The following SLC44A5 variants were observed in gnomAD, a reference collection of about 807,000 sequenced individuals.
SLC44A5 encodes solute carrier family 44 member 5.
In SLC44A5, 57 loss-of-function variants were observed where a neutral mutation model predicts 101.8. The observed-to-expected ratio is 0.56, with a 90% CI of 0.45 to 0.70. SLC44A5 has a LOEUF of 0.70. Ranked by LOEUF, SLC44A5 falls within the 30% of genes least tolerant of loss-of-function variation. The probability of loss-of-function intolerance (pLI) is 0.00; values close to 1 mark genes in which losing one functional copy is unlikely to be tolerated. For missense variants in SLC44A5, 737 were observed against 853.1 expected (o/e 0.86, Z 1.70); for synonymous variants, 281 against 290.9 (o/e 0.97, Z 0.35).
rs553863123 is a variant in SLC44A5, at chr1:75,566,396, G to A, written c.-69-24880C>T. ...GTGAAATAAAAGGCCAGTTCCAGCTGCAGTTAAAGCAGAATATGTGTTATT... is the reference window on the plus strand; with the variant it reads ...GTGAAATAAAAGGCCAGTTCCAGCTACAGTTAAAGCAGAATATGTGTTATT... On this transcript the variant is annotated intron_variant, in intron 1 of 23. Coordinates refer to ENST00000370859, the MANE Select transcript of SLC44A5 (RefSeq NM_001130058.2). Among the ~76,000 whole-genome samples, 4 of 152,306 alleles carry A rather than the reference G, an allele frequency of 2.6e-5. No individual in the cohort carries two copies. The South Asian group carries it at 8.3e-4, about 32-fold the overall frequency.
chr1:75,252,064 G>T (rs1372148169), intron 6 of SLC44A5, among the ~76,000 whole-genome samples: 3 of 152,086 alleles, frequency 2.0e-5, no homozygotes, highest in African/African-American at 7.2e-5. Flanking sequence ...GCATGCACAA[G>T]GAAAACCCGA....
At chr1:75,337,525 G>A (rs541985347) in intron 4 of SLC44A5, among the ~76,000 whole-genome samples, 105 of 152,298 alleles carry the variant, frequency 6.9e-4, no homozygotes, top group African/African-American at 2.5e-3. Context: ...GGATAATGCT[G>A]AATATCTTTT....
intron 6 of SLC44A5, among the ~76,000 whole-genome samples, chr1:75,264,601 A>C (rs1247601186): frequency 6.6e-6 from 1 of 152,202 alleles, no homozygotes; most frequent in Non-Finnish European, 1.5e-5. Flanking sequence ...AACAAAGGAA[A>C]ACCAAAACAC....
At chr1:75,211,358 G>A in intron 23 of SLC44A5, 110 bp downstream of exon 23, 1 of 711,206 alleles carries the variant, frequency 1.4e-6, no homozygotes, top group East Asian at 2.8e-5. Flanking sequence ...ACGTTTTGTG[G>A]TTGCAGCCAG....
At chr1:75,230,881 G>C (rs561486539) in intron 12 of SLC44A5, among the ~76,000 whole-genome samples, 105 of 152,292 alleles carry the variant, frequency 6.9e-4, no homozygotes, top group African/African-American at 2.5e-3. Flanking sequence ...CTCCCACAGT[G>C]CTAGGATTAT....
intron 5 of SLC44A5, among the ~76,000 whole-genome samples, chr1:75,284,034 G>A (rs1320899249): frequency 2.0e-5 from 3 of 151,958 alleles, no homozygotes; most frequent in Non-Finnish European, 4.4e-5. Context: ...TTCGACTTCT[G>A]TGAAGAATAA....
intron 7 of SLC44A5, among the ~76,000 whole-genome samples, chr1:75,243,630 C>G (rs548224569): frequency 2.0e-5 from 3 of 152,136 alleles, no homozygotes; most frequent in Admixed American, 2.0e-4. Flanking sequence ...ATTTCACATA[C>G]CTTTCACTCT....
intron 4 of SLC44A5, among the ~76,000 whole-genome samples, chr1:75,315,536 T>A (rs1232029870): frequency 6.6e-6 from 1 of 152,148 alleles, no homozygotes; most frequent in East Asian, 1.9e-4. Context: ...GCACTGTCTT[T>A]CATCTCTTCT....
the SLC44A5 span, among the ~76,000 whole-genome samples, chr1:75,621,218 C>T: frequency 6.6e-6 from 1 of 152,144 alleles, no homozygotes; most frequent in Non-Finnish European, 1.5e-5. Context: ...AAACTGGCCT[C>T]ATCTCTATTT....
At chr1:75,212,418 C>A (rs1332597590) in intron 22 of SLC44A5, among the ~76,000 whole-genome samples, 1 of 152,116 alleles carries the variant, frequency 6.6e-6, no homozygotes, top group African/African-American at 2.4e-5. Flanking sequence ...TATTTACCTA[C>A]AACTTATAAG....
chr1:75,234,936 A>G (rs1410298600), intron 11 of SLC44A5, among the ~76,000 whole-genome samples: 1 of 152,120 alleles, frequency 6.6e-6, no homozygotes, highest in African/African-American at 2.4e-5. Flanking sequence ...TGACTGTTCT[A>G]TTAAGAACTG....
At chr1:75,368,380 C>T (rs1222539755) in intron 3 of SLC44A5, among the ~76,000 whole-genome samples, 1 of 152,100 alleles carries the variant, frequency 6.6e-6, no homozygotes, top group Admixed American at 6.6e-5. Context: ...AAAAGTCTGC[C>T]CTCTATATCT....
chr1:75,616,107 C>G (rs1432970584), upstream of SLC44A5, among the ~76,000 whole-genome samples: 5 of 151,956 alleles, frequency 3.3e-5, no homozygotes, highest in Admixed American at 6.6e-5. Flanking sequence ...GCTGGCCCCC[C>G]TCTTGCGCTG....
the SLC44A5 span, among the ~76,000 whole-genome samples, chr1:75,646,271 A>G: frequency 4.2e-5 from 6 of 144,148 alleles, no homozygotes; most frequent in African/African-American, 1.5e-4. Context: ...TGAGCATGGA[A>G]TGTTCTTCCA....
chr1:75,706,957 C>T, the SLC44A5 span, among the ~76,000 whole-genome samples: 2 of 152,098 alleles, frequency 1.3e-5, no homozygotes, highest in East Asian at 1.9e-4. Flanking sequence ...CTCTAAAATA[C>T]CTTCTAAGAC....
At chr1:75,714,738 G>A in the SLC44A5 span, among the ~76,000 whole-genome samples, 326 of 152,174 alleles carry the variant, frequency 2.1e-3, 2 homozygotes, top group African/African-American at 7.3e-3. Context: ...GTGCAGTGGC[G>A]CGATCTCAGC....
intron 1 of SLC44A5, among the ~76,000 whole-genome samples, chr1:75,560,830 C>A (rs1456311336): frequency 6.6e-6 from 1 of 152,114 alleles, no homozygotes; most frequent in Non-Finnish European, 1.5e-5. Flanking sequence ...AATCAGTTGA[C>A]ATTTTACTCA....
At chr1:75,517,425 C>T (rs796929661) in intron 2 of SLC44A5, among the ~76,000 whole-genome samples, 8 of 151,400 alleles carry the variant, frequency 5.3e-5, no homozygotes, top group African/African-American at 1.9e-4. Flanking sequence ...CAAAAAAAGT[C>T]AGTGACAAAA....
intron 2 of SLC44A5, among the ~76,000 whole-genome samples, chr1:75,540,342 A>T (rs1671291422): frequency 6.6e-6 from 1 of 152,210 alleles, no homozygotes; most frequent in African/African-American, 2.4e-5. Context: ...TGTATGCATA[A>T]GAGAAAATGT....
Sources: allele counts gnomAD v4.1 joint callset (sites outside exome capture counted in the v4.1 genomes callset), GRCh38; gene constraint gnomAD v4.1.1; transcripts MANE v1.5; gene names NCBI Gene and HGNC (gene_info 2026-07-23, HGNC 2026-07-21).